The following CCND3 variants were observed in gnomAD, a reference collection of about 807,000 sequenced individuals.
CCND3 encodes G1/S-specific cyclin-D3.
A neutral mutation model predicts 28.7 loss-of-function variants in CCND3; 9 were observed. The observed-to-expected ratio is 0.31, with a 90% CI of 0.19 to 0.55. The LOEUF (loss-of-function observed/expected upper bound fraction) is 0.55, where lower values mean the gene tolerates loss of function less well. Ranked by LOEUF, CCND3 falls within the 20% of genes least tolerant of loss-of-function variation. The pLI, the probability that CCND3 is intolerant of heterozygous loss-of-function variation, is 0.93. For synonymous variants in CCND3, 164 were observed against 163.9 expected (o/e 1.00, Z 0.00); for missense variants, 315 against 385.8 (o/e 0.82, Z 1.54).
At chr6:41,942,165 GATAA>G (rs1776056553), upstream of CCND3, among the ~76,000 whole-genome samples, 1 of 152,182 alleles carries the variant, frequency 6.6e-6, no homozygotes, top group Non-Finnish European at 1.5e-5. Context: ...TAAGGAATGC[GATAA>G]ATAATGTCAG....
At position 41,935,617 on chromosome 6, in the gene CCND3, T is replaced by TGG. The variant is rs3833667; in HGVS notation, c.*321_*322dup. 1,606 of 427,284 alleles carry TGG rather than the reference T, an allele frequency of 3.8e-3. 2 individuals are homozygous for TGG. The highest frequency in any genetic ancestry group is 8.2e-3 in the Middle Eastern group (13 of 1,588). 26.5% of individuals were successfully genotyped at this position (427,284 alleles called of 1,614,324 possible). ...TTGAAAACATGAGAGCCCCCAGGGG[T>TGG]GGGGGGGGGCGTTCAAAAGGAATGC... On this transcript the variant is annotated 3_prime_UTR_variant, in exon 5 of 5. Coordinates refer to ENST00000372991, the MANE Select transcript of CCND3 (RefSeq NM_001760.5).
chr6:41,935,611 C>A lies in CCND3; in HGVS notation c.*329G>T. 1 of 444,838 alleles carries A rather than the reference C, an allele frequency of 2.2e-6. No individual in the cohort carries two copies. Among genetic ancestry groups the A allele is most frequent in the Non-Finnish European group, 4.0e-6 (1 of 251,160 alleles). 27.6% of individuals were successfully genotyped at this position (444,838 alleles called of 1,614,324 possible). A position where few individuals can be genotyped will look rare whatever the true frequency, so the allele number is the denominator to read the frequency against. ...TGGCAGTTGAAAACATGAGAGCCCC[C>A]AGGGGTGGGGGGGGGCGTTCAAAAG... On this transcript the variant is annotated 3_prime_UTR_variant, in exon 5 of 5. Transcript: ENST00000372991.
At chr6:41,957,086 T>G (rs1317539899) in intron 1 of CCND3, among the ~76,000 whole-genome samples, 1 of 152,166 alleles carries the variant, frequency 6.6e-6, no homozygotes, top group South Asian at 2.1e-4. Context: ...AAGGAAAAGT[T>G]AACTCCACAC....
At chr6:41,982,651 A>T (rs1762380951) in intron 1 of CCND3, among the ~76,000 whole-genome samples, 1 of 152,208 alleles carries the variant, frequency 6.6e-6, no homozygotes, top group African/African-American at 2.4e-5. Flanking sequence ...GAACAAAGAC[A>T]GAGGGCTGAC....
intron 1 of CCND3, among the ~76,000 whole-genome samples, chr6:41,960,509 A>C (rs1761691569): frequency 6.6e-6 from 1 of 152,202 alleles, no homozygotes; most frequent in South Asian, 2.1e-4. Flanking sequence ...GGGGGCTTTG[A>C]AGTTGACAAA....
At chr6:41,974,943 C>T (rs1762134017) in intron 1 of CCND3, among the ~76,000 whole-genome samples, 1 of 151,986 alleles carries the variant, frequency 6.6e-6, no homozygotes, top group Admixed American at 6.6e-5. Flanking sequence ...CAGGCGCCTG[C>T]CACCACGCCC....
At chr6:42,035,930 C>A (rs1764192422) in intron 1 of CCND3, among the ~76,000 whole-genome samples, 1 of 152,012 alleles carries the variant, frequency 6.6e-6, no homozygotes, top group South Asian at 2.1e-4. Flanking sequence ...CCCACCTCGG[C>A]CTCCCAAAGT....
rs35776222 is a variant in CCND3 at position 41,989,454 on chromosome 6, C to CAAAAAAAAAAAAAAAAAAAAAAAAAA, written c.-45-48870_-45-48869insTTTTTTTTTTTTTTTTTTTTTTTTTT. Among the ~76,000 whole-genome samples the CAAAAAAAAAAAAAAAAAAAAAAAAAA allele has an allele frequency of 4.1e-4, 9 of 21,706 alleles. 4 individuals are homozygous for CAAAAAAAAAAAAAAAAAAAAAAAAAA. Among genetic ancestry groups the CAAAAAAAAAAAAAAAAAAAAAAAAAA allele is most frequent in the African/African-American group, 1.3e-4 (1 of 7,770 alleles). 14.2% of individuals were successfully genotyped at this position (21,706 alleles called of 152,430 possible). On this transcript the variant is annotated intron_variant, in intron 1 of 4. Coordinates refer to the CCND3 transcript ENST00000372988. ...GGGCGACAAGAGTGAAACACTGTCTCAAAAAAAAAAAACAAAAAAAAAAAA... is the reference window on the plus strand; with the variant it reads ...GGGCGACAAGAGTGAAACACTGTCTCAAAAAAAAAAAAAAAAAAAAAAAAAAAAAAAAAAAAAACAAAAAAAAAAAA...
At chr6:41,981,509 C>T (rs1762346710) in intron 1 of CCND3, among the ~76,000 whole-genome samples, 1 of 126,430 alleles carries the variant, frequency 7.9e-6, no homozygotes, top group South Asian at 2.5e-4. Flanking sequence ...GGCCATGAGC[C>T]ACCACGCCCA....
chr6:42,020,711 C>A (rs1763685320), intron 1 of CCND3, among the ~76,000 whole-genome samples: 1 of 152,230 alleles, frequency 6.6e-6, no homozygotes, highest in Admixed American at 6.5e-5. Flanking sequence ...GCCTGCACTC[C>A]AAGACTTCAT....
intron 1 of CCND3, among the ~76,000 whole-genome samples, chr6:41,979,857 A>C (rs939963899): frequency 6.6e-6 from 1 of 151,984 alleles, no homozygotes; most frequent in Non-Finnish European, 1.5e-5. Flanking sequence ...CCTAGCCACC[A>C]ACTCCTGGTC....
In CCND3 at chr6:41,956,949, T is replaced by C. The variant is rs1659638170; in HGVS notation, c.-45-16364A>G. 2.0e-5 allele frequency among the ~76,000 whole-genome samples: 3 copies of C among 152,174 alleles called. No homozygotes were observed. The South Asian group carries it at 6.2e-4, about 31-fold the overall frequency. On this transcript the variant is annotated intron_variant, in intron 1 of 4. Coordinates refer to the CCND3 transcript ENST00000372988. ...GGGAGGCTGAGGCAGGAGAATGGCA[T>C]GAACCCGGGAGGCGGAACTTGCAGT...
intron 1 of CCND3, among the ~76,000 whole-genome samples, chr6:42,035,407 G>A (rs142018879): frequency 4.6e-5 from 7 of 150,866 alleles, no homozygotes; most frequent in South Asian, 2.1e-4. Context: ...TCACACTGTC[G>A]CCCAGGCTGG....
At chr6:42,045,848 T>C (rs1764525939) in intron 1 of CCND3, among the ~76,000 whole-genome samples, 2 of 151,708 alleles carry the variant, frequency 1.3e-5, no homozygotes, top group South Asian at 4.1e-4. Flanking sequence ...CCTCTTGTGG[T>C]TTTTCAAGAG....
At chr6:42,036,394 TA>T (rs1764213525) in intron 1 of CCND3, among the ~76,000 whole-genome samples, 1 of 46,096 alleles carries the variant, frequency 2.2e-5, no homozygotes, top group African/African-American at 8.7e-5. Context: ...TATATATATA[TA>T]TATATATATT....
intron 1 of CCND3, among the ~76,000 whole-genome samples, chr6:41,992,324 G>A (rs1383254729): frequency 9.9e-5 from 15 of 151,134 alleles, no homozygotes; most frequent in East Asian, 2.0e-4. Context: ...CACCATGCCC[G>A]GCTAATTTTT....
At chr6:41,972,035 C>G (rs1475714318) in intron 1 of CCND3, among the ~76,000 whole-genome samples, 2 of 149,460 alleles carry the variant, frequency 1.3e-5, no homozygotes, top group African/African-American at 2.4e-5. Flanking sequence ...ACCATCCTGG[C>G]TAACATGGTG....
intron 1 of CCND3, among the ~76,000 whole-genome samples, chr6:41,971,796 C>A (rs992750876): frequency 2.0e-5 from 3 of 151,376 alleles, no homozygotes; most frequent in African/African-American, 7.3e-5. Flanking sequence ...CCTCGGCCTC[C>A]CAAAGTGCTG....
intron 1 of CCND3, among the ~76,000 whole-genome samples, chr6:41,949,479 C>T (rs1284631522): frequency 2.6e-5 from 4 of 151,432 alleles, no homozygotes; most frequent in Admixed American, 6.6e-5. Flanking sequence ...CACTCCAGCC[C>T]GGGGGACAGA....
Sources: gnomAD v4.1 joint callset for allele counts (sites outside exome capture counted in the v4.1 genomes callset) on GRCh38, gnomAD v4.1.1 for gene constraint, MANE v1.5 for transcripts, NCBI Gene and HGNC (gene_info 2026-07-23, HGNC 2026-07-21) for gene names.